The following GRAMD4 variants were observed in gnomAD, a reference collection of about 807,000 sequenced individuals.
GRAMD4 encodes GRAM domain-containing protein 4.
A neutral mutation model predicts 83.9 loss-of-function variants in GRAMD4; 25 were observed. That is an observed-to-expected ratio of 0.30 (90% CI 0.22 to 0.42). The LOEUF is 0.42. Among genes scored for constraint, GRAMD4 ranks in the 10% least tolerant of loss-of-function variants. The pLI is 1.00. For synonymous variants in GRAMD4, 336 were observed against 320.9 expected, an observed-to-expected ratio of 1.05 and a Z score of -0.50; for missense variants, 593 against 788.7, an observed-to-expected ratio of 0.75 and a Z score of 2.97.
chr22:46,636,877 G>A (rs117770135), intron 2 of GRAMD4, among the ~76,000 whole-genome samples: 1 of 152,358 alleles, frequency 6.6e-6, no homozygotes, highest in East Asian at 1.9e-4. Flanking sequence ...TGTAACTCGA[G>A]CCCGTCCTGG....
rs1336170542 is a variant in GRAMD4 at position 46,678,325 on chromosome 22, T to G, written c.*1074T>G. 3.0e-6 allele frequency: 3 copies of G among 985,366 alleles called. No homozygotes were observed. Among genetic ancestry groups the G allele is most frequent in the African/African-American group, 3.5e-5 (2 of 57,228 alleles). The allele number at this position is 985,366 out of a possible 1,614,324, so 61.0% of individuals were successfully genotyped here. On this transcript the variant is annotated 3_prime_UTR_variant, in exon 19 of 19. Coordinates refer to ENST00000406902, the MANE Select transcript of GRAMD4 (RefSeq NM_015124.5). ...CGAGCCCAGAGGCCTGGGCCTGCAC[T>G]GCCTGCAGCCGACATGCGACAGCGT...
chr22:46,671,051 G>A, intron 13 of GRAMD4: 1 of 462,434 alleles, frequency 2.2e-6, no homozygotes, highest in Non-Finnish European at 4.5e-6. Context: ...CTTTTGCAGT[G>A]CTGACAAGGG....
chr22:46,605,400 G>T (rs2081355360), intron 1 of GRAMD4, among the ~76,000 whole-genome samples: 1 of 152,252 alleles, frequency 6.6e-6, no homozygotes, highest in Admixed American at 6.5e-5. Flanking sequence ...TACGAAAAAT[G>T]CTGCAGTGAA....
At chr22:46,619,533 C>T (rs995018917), upstream of GRAMD4, among the ~76,000 whole-genome samples, 5 of 152,194 alleles carry the variant, frequency 3.3e-5, no homozygotes, top group Non-Finnish European at 7.3e-5. Flanking sequence ...TGTGTCACTG[C>T]ATTGCCCACC....
At chr22:46,587,829 G>A in intron 1 of GRAMD4, 1 of 834,884 alleles carries the variant, frequency 1.2e-6, no homozygotes, top group Non-Finnish European at 1.4e-6. Context: ...GATGTTTGGT[G>A]GAGAGGAAGT....
downstream of GRAMD4, among the ~76,000 whole-genome samples, chr22:46,680,730 C>A (rs1270144532): frequency 9.1e-6 from 1 of 109,380 alleles, no homozygotes; most frequent in Admixed American, 8.8e-5. Flanking sequence ...ACCCACCCAT[C>A]CATCCACCCA....
chr22:46,673,712 G>T lies in GRAMD4; in HGVS notation c.1282G>T (p.Ala428Ser), dbSNP rs569764993. 54 of 1,612,842 alleles carry T rather than the reference G, an allele frequency of 3.3e-5. 1 individual carries two copies. In the South Asian group the frequency reaches 3.8e-4, roughly 11 times the overall value. ...SSRSYVPSAP[A>S]GLGKEEDAGR... ...ACGGAGCTACGTACCCAGCGCACCG[G>T]CCGGCCTGGGTAAAGAGGAGGACGC... Residue 428 changes from alanine (A) to serine (S), a missense_variant, in exon 15 of 19, where the codon GCC (alanine) becomes TCC (serine). By Grantham distance (99) the Ala-to-Ser change is moderately conservative (BLOSUM62 1). Coordinates refer to ENST00000406902, the MANE Select transcript of GRAMD4 (RefSeq NM_015124.5).
At chr22:46,580,409 C>A (rs570901214) in intron 1 of GRAMD4, among the ~76,000 whole-genome samples, 336 of 152,332 alleles carry the variant, frequency 2.2e-3, no homozygotes, top group Non-Finnish European at 3.7e-3. Context: ...CAGCAATGGT[C>A]CTGAAAAATA....
In GRAMD4 at chr22:46,677,644, C is replaced by G. The variant is rs1347692066; in HGVS notation, c.*393C>G. On this transcript the variant is annotated 3_prime_UTR_variant, in exon 19 of 19. Transcript: ENST00000406902. ...AACCTTGTGTCCCGCTCTCCAGAGGCCAGAAGCTCGTCCACCACCAAAGCC... is the reference window on the plus strand; with the variant it reads ...AACCTTGTGTCCCGCTCTCCAGAGGGCAGAAGCTCGTCCACCACCAAAGCC... The G allele has an allele frequency of 1.0e-6, 1 of 999,276 alleles. No individual in the cohort carries two copies. The highest frequency in any genetic ancestry group is 1.2e-6 in the Non-Finnish European group (1 of 838,588). The allele number at this position is 999,276 out of a possible 1,614,324, so 61.9% of individuals were successfully genotyped here.
At chr22:46,668,652 C>A (rs767043782) in intron 11 of GRAMD4, 37 bp from the exon 12 acceptor site, 3 of 1,598,784 alleles carry the variant, frequency 1.9e-6, no homozygotes, top group African/African-American at 1.3e-5. Context: ...AGCCCAGGAG[C>A]GGGGGCTGTT....
upstream of GRAMD4, among the ~76,000 whole-genome samples, chr22:46,616,020 G>A (rs563050180): frequency 1.6e-4 from 15 of 93,212 alleles, 1 homozygote; most frequent in Admixed American, 1.0e-3. Flanking sequence ...TCTGCTGTGC[G>A]TGTTGGTTCC....
At chr22:46,576,865 G>T (rs1323963418), upstream of GRAMD4, among the ~76,000 whole-genome samples, 1 of 142,074 alleles carries the variant, frequency 7.0e-6, no homozygotes, top group African/African-American at 2.6e-5. Context: ...GCGGCCGCGC[G>T]TGCGCGTGGG....
chr22:46,601,813 A>C (rs902239599), intron 1 of GRAMD4, among the ~76,000 whole-genome samples: 13 of 151,944 alleles, frequency 8.6e-5, no homozygotes, highest in African/African-American at 3.1e-4. Flanking sequence ...CTTTTTTTTT[A>C]AGTTAAAAAA....
intron 1 of GRAMD4, among the ~76,000 whole-genome samples, chr22:46,597,738 T>C (rs557355026): frequency 6.6e-6 from 1 of 152,108 alleles, no homozygotes; most frequent in East Asian, 1.9e-4. Context: ...ATCTGCCCGC[T>C]TCGGCCTCCC....
chr22:46,638,049 T>A, intron 3 of GRAMD4, 89 bp downstream of exon 3: 1 of 1,423,148 alleles, frequency 7.0e-7, no homozygotes, highest in Non-Finnish European at 9.7e-7. Flanking sequence ...AGGAGCTGGG[T>A]CTGGTGAAGA....
At chr22:46,593,117 A>G (rs2081226518) in intron 1 of GRAMD4, among the ~76,000 whole-genome samples, 1 of 152,122 alleles carries the variant, frequency 6.6e-6, no homozygotes, top group Non-Finnish European at 1.5e-5. Context: ...CTTAAGTAAC[A>G]TCGATATCTT....
At chr22:46,616,696 C>G (rs1569263015), upstream of GRAMD4, among the ~76,000 whole-genome samples, 80 of 82,258 alleles carry the variant, frequency 9.7e-4, 4 homozygotes, top group East Asian at 6.2e-3. Context: ...GTAGGTTCCC[C>G]TGTGCGTGTA....
At position 46,637,970 on chromosome 22, in the gene GRAMD4, A is replaced by G; in HGVS notation, c.283+10A>G. ...GAAAAACATTTCTTACGTGAGTACC[A>G]GAAAGCGCTTGGAGGGGATGGGACA... On this transcript the variant is annotated intron_variant, in intron 3 of 18. Transcript: ENST00000406902. 1.2e-6 allele frequency: 2 copies of G among 1,612,636 alleles called. No homozygotes were observed. The highest frequency in any genetic ancestry group is 4.5e-5 in the East Asian group (2 of 44,832).
chr22:46,663,147 A>G lies in GRAMD4; in HGVS notation c.574A>G (p.Thr192Ala). ...CCAGCCCGAGGAGAACACTGTGGAG[A>G]CAGAGGAACCCCTGAGCGCCCGCAG... ...RFQPEENTVE[T>A]EEPLSARRLT... The change falls in exon 6 of 19, where the codon ACA (threonine) becomes GCA (alanine). Residue 192 changes from threonine (T) to alanine (A), a missense_variant. This residue lies in a region of GRAMD4 where 312 missense variants were observed against 350.7 expected (regional missense o/e 0.89). Coordinates refer to ENST00000406902, the MANE Select transcript of GRAMD4 (RefSeq NM_015124.5). 1 of 1,612,138 alleles carries G rather than the reference A, an allele frequency of 6.2e-7. No homozygotes were observed. The highest frequency in any genetic ancestry group is 8.5e-7 in the Non-Finnish European group (1 of 1,179,512).
Sources: allele counts gnomAD v4.1 joint callset (sites outside exome capture counted in the v4.1 genomes callset), GRCh38; gene constraint gnomAD v4.1.1; regional missense constraint gnomAD v4.1.1; transcripts MANE v1.5; gene names NCBI Gene and HGNC (gene_info 2026-07-23, HGNC 2026-07-21).